NRL: variants seen among roughly 807,000 people sequenced by gnomAD.
NRL encodes neural retina leucine zipper.
A neutral mutation model predicts 12.5 loss-of-function variants in NRL; 16 were observed. The observed-to-expected ratio is 1.28, with a 90% CI of 0.87 to 1.95. The LOEUF (loss-of-function observed/expected upper bound fraction) is 1.95. Among genes scored for constraint, NRL ranks in the 30% most tolerant of loss-of-function variants. The probability of loss-of-function intolerance (pLI) is 0.00; values close to 1 mark genes in which losing one functional copy is unlikely to be tolerated. For synonymous variants in NRL, 142 were observed against 150.9 expected (o/e 0.94, Z 0.43); for missense variants, 314 against 325.8 (o/e 0.96, Z 0.28).
chr14:24,092,176 A>G (rs1405918334), intron 1 of NRL, among the ~76,000 whole-genome samples: 1 of 152,210 alleles, frequency 6.6e-6, no homozygotes, highest in Non-Finnish European at 1.5e-5. Flanking sequence ...ATTTGCATGC[A>G]CAGTGTGGGG....
chr14:24,103,481 A>T, intron 1 of NRL: 1 of 1,526,478 alleles, frequency 6.6e-7, no homozygotes, highest in African/African-American at 1.4e-5. Flanking sequence ...GAGAAGGAAG[A>T]TTCCTTACCC....
At chr14:24,107,658 C>T (rs1308497381) in intron 1 of NRL, among the ~76,000 whole-genome samples, 1 of 152,160 alleles carries the variant, frequency 6.6e-6, no homozygotes, top group African/African-American at 2.4e-5. Context: ...TATCAGTCTA[C>T]AGATTCCCCC....
chr14:24,086,081 G>C (rs1398456928), intron 1 of NRL, among the ~76,000 whole-genome samples: 3 of 152,182 alleles, frequency 2.0e-5, no homozygotes, highest in East Asian at 1.9e-4. Context: ...GCTGGGCATA[G>C]TGGCAGGCAC....
At chr14:24,107,566 G>A (rs556763406) in intron 1 of NRL, among the ~76,000 whole-genome samples, 3 of 142,936 alleles carry the variant, frequency 2.1e-5, no homozygotes, top group Non-Finnish European at 4.5e-5. Context: ...TTTATAGTTT[G>A]ATCACCTAAA....
chr14:24,108,959 T>G (rs1202174555), intron 1 of NRL, among the ~76,000 whole-genome samples: 1 of 152,150 alleles, frequency 6.6e-6, no homozygotes, highest in African/African-American at 2.4e-5. Flanking sequence ...ATGAAAACAC[T>G]CCTTTCCTTC....
rs1423647954 is a variant in NRL at position 24,094,447 on chromosome 14, C to T, written c.-27-11572G>A. ...GCCCTGGCCTGCGGTGAGTGACCCC[C>T]GGCCCGGGGCCCACCCGCACCTTCC... On this transcript the variant is annotated intron_variant, in intron 1 of 2. Coordinates refer to ENST00000561028, the MANE Select transcript of NRL (RefSeq NM_001354768.3). This position sits in a 1 kb window ranked among gnomAD's most constrained non-coding sequence, Gnocchi z 4.1. 8 of 1,536,960 alleles carry T rather than the reference C, an allele frequency of 5.2e-6. No homozygotes were observed. Among genetic ancestry groups the T allele is most frequent in the Middle Eastern group, 1.8e-4 (1 of 5,532 alleles).
In NRL at chr14:24,080,899, G is replaced by C. The variant is rs755468700; in HGVS notation, c.*337C>G. 3 of 269,996 alleles carry C rather than the reference G, an allele frequency of 1.1e-5. No individual in the cohort carries two copies. Among genetic ancestry groups the C allele is most frequent in the African/African-American group, 4.4e-5 (2 of 45,438 alleles). 16.7% of individuals were successfully genotyped at this position (269,996 alleles called of 1,614,324 possible). ...AACCCTGAATTAAAAACTAAACTGA[G>C]GTGGGAGCTGCAACCCTCCTCCACC... On this transcript the variant is annotated 3_prime_UTR_variant, in exon 3 of 3. Transcript: ENST00000561028.
In NRL at chr14:24,085,153, G is replaced by A. The variant is rs1411147992; in HGVS notation, c.-27-2278C>T. ...TGGTCTTATGCCCCTCATAGCCGTC[G>A]CATCAGAAAGGAAAGCAACTTTTCC... On this transcript the variant is annotated intron_variant, in intron 1 of 2. Coordinates refer to ENST00000561028, the MANE Select transcript of NRL (RefSeq NM_001354768.3). The surrounding 1 kb of genome is among the most constrained non-coding windows in gnomAD (Gnocchi z 4.1). Among the ~76,000 whole-genome samples, 3 of 152,140 alleles carry A rather than the reference G, an allele frequency of 2.0e-5. No homozygotes were observed. The highest frequency in any genetic ancestry group is 6.6e-5 in the Admixed American group (1 of 15,266).
chr14:24,099,353 C>G (rs1024449399), intron 1 of NRL: 1 of 1,119,796 alleles, frequency 8.9e-7, no homozygotes, highest in African/African-American at 1.6e-5. Flanking sequence ...GGCGGGGACT[C>G]TACTTGAAGG....
At chr14:24,095,566 CCAA>C (rs1471068809) in intron 1 of NRL, among the ~76,000 whole-genome samples, 5 of 152,204 alleles carry the variant, frequency 3.3e-5, no homozygotes, top group South Asian at 2.1e-4. Context: ...CACCCTCCCA[CCAA>C]CACCAAAGCT....
chr14:24,114,746 C>A lies in NRL; in HGVS notation c.-52G>T, dbSNP rs1367780180. The A allele has an allele frequency of 1.0e-6, 1 of 985,870 alleles. No homozygotes were observed. Among genetic ancestry groups the A allele is most frequent in the Non-Finnish European group, 1.2e-6 (1 of 829,992 alleles). 61.1% of individuals were successfully genotyped at this position (985,870 alleles called of 1,614,324 possible). ...CCTATCAATCATCGTGCTCCGCTGTCCAGTTGGCTGGCCAAGGGGGCGGGG... is the reference window on the plus strand; with the variant it reads ...CCTATCAATCATCGTGCTCCGCTGTACAGTTGGCTGGCCAAGGGGGCGGGG... On this transcript the variant is annotated 5_prime_UTR_variant, in exon 1 of 3. Transcript: ENST00000561028.
At chr14:24,110,453 T>C in intron 1 of NRL, 1 of 207,934 alleles carries the variant, frequency 4.8e-6, no homozygotes, top group South Asian at 4.2e-5. Context: ...TTGCATCTAT[T>C]ACATGTCACC....
chr14:24,101,629 A>C (rs111755276), intron 1 of NRL, among the ~76,000 whole-genome samples: 1 of 152,338 alleles, frequency 6.6e-6, no homozygotes, highest in African/African-American at 2.4e-5. Flanking sequence ...GTTAGCTTTA[A>C]AATCAATTCC....
intron 1 of NRL, chr14:24,104,213 A>G: frequency 1.9e-6 from 1 of 514,812 alleles, no homozygotes; most frequent in Non-Finnish European, 3.5e-6. Flanking sequence ...TCCAGCCCCT[A>G]GAAGAAGCAC....
rs1271602408 is a variant in NRL, at chr14:24,081,194, C to A, written c.*42G>T. 5.2e-6 allele frequency: 7 copies of A among 1,339,836 alleles called. No individual in the cohort carries two copies. The highest frequency in any genetic ancestry group is 6.8e-6 in the Non-Finnish European group (7 of 1,026,986). The allele number at this position is 1,339,836 out of a possible 1,614,324, so 83.0% of individuals were successfully genotyped here. On this transcript the variant is annotated 3_prime_UTR_variant, in exon 3 of 3. Transcript: ENST00000561028. The surrounding 1 kb of genome is among the most constrained non-coding windows in gnomAD (Gnocchi z 4.4). ...TGCAGCCGCCTCCTGGGCGGAGCCA[C>A]CCCACCCAGCCCCCACTACACCACA... is the stretch of plus-strand genomic sequence containing the variant.
chr14:24,085,191 C>G lies in NRL; in HGVS notation c.-27-2316G>C, dbSNP rs1416482867. ...AAGCAACTTTTCCCACAGGGGATCTCCAGGACTTGACCACCATATTTTGTC... is the reference window on the plus strand; with the variant it reads ...AAGCAACTTTTCCCACAGGGGATCTGCAGGACTTGACCACCATATTTTGTC... On this transcript the variant is annotated intron_variant, in intron 1 of 2. Transcript: ENST00000561028. This position sits in a 1 kb window ranked among gnomAD's most constrained non-coding sequence, Gnocchi z 4.1. Among the ~76,000 whole-genome samples, 1 of 152,210 alleles carries G rather than the reference C, an allele frequency of 6.6e-6. No homozygotes were observed. Among genetic ancestry groups the G allele is most frequent in the Admixed American group, 6.5e-5 (1 of 15,276 alleles).
At chr14:24,103,644 T>C in intron 1 of NRL, 1 of 1,614,172 alleles carries the variant, frequency 6.2e-7, no homozygotes, top group Non-Finnish European at 8.5e-7. Context: ...TGTCAACTGG[T>C]TCCGGCGTGA....
intron 1 of NRL, among the ~76,000 whole-genome samples, chr14:24,110,937 C>A (rs1459882031): frequency 6.6e-6 from 1 of 152,162 alleles, no homozygotes; most frequent in East Asian, 1.9e-4. Flanking sequence ...AAATAGACAT[C>A]CAGGTTTGGA....
Position 24,081,754 on chromosome 14 carries a change from GC to G in NRL, c.382-187del. ...CGCCCCAGGCCCCGACGCTCCCCGG[GC>G]CCCCCAGCTGACCGTTGCTCCAGTC... is the stretch of plus-strand genomic sequence containing the variant. On this transcript the variant is annotated intron_variant, in intron 2 of 2. Coordinates refer to ENST00000561028, the MANE Select transcript of NRL (RefSeq NM_001354768.3). This position sits in a 1 kb window ranked among gnomAD's most constrained non-coding sequence, Gnocchi z 4.4. 2.0e-6 allele frequency: 3 copies of G among 1,520,348 alleles called. No homozygotes were observed. Among genetic ancestry groups the G allele is most frequent in the African/African-American group, 1.4e-5 (1 of 72,250 alleles). 94.2% of individuals were successfully genotyped at this position (1,520,348 alleles called of 1,614,324 possible). A position where few individuals can be genotyped will look rare whatever the true frequency, so the allele number is the denominator to read the frequency against.
Sources: allele counts gnomAD v4.1 joint callset (sites outside exome capture counted in the v4.1 genomes callset), GRCh38; gene constraint gnomAD v4.1.1; non-coding constraint Gnocchi (gnomAD v3.1); transcripts MANE v1.5; gene names NCBI Gene and HGNC (gene_info 2026-07-23, HGNC 2026-07-21).